SLC25A48: variants seen among roughly 807,000 people sequenced by gnomAD.
SLC25A48 encodes CTC-321K16.1.
In SLC25A48, 29 loss-of-function variants were observed where a neutral mutation model predicts 32.2. The observed-to-expected ratio is 0.90, with a 90% confidence interval of 0.67 to 1.23. SLC25A48 has a LOEUF of 1.23. Ranked by LOEUF, SLC25A48 falls within the 50% of genes most tolerant of loss-of-function variation. SLC25A48 has a pLI of 0.00. For synonymous variants in SLC25A48, 164 were observed against 172.3 expected (o/e 0.95, Z 0.38); for missense variants, 399 against 422.7 (o/e 0.94, Z 0.49).
intron 1 of SLC25A48, among the ~76,000 whole-genome samples, chr5:135,592,167 G>A (rs939728497): frequency 4.6e-5 from 7 of 152,150 alleles, no homozygotes; most frequent in Non-Finnish European, 7.3e-5. Flanking sequence ...AAGGATCTAC[G>A]GTGAGAAGAG....
chr5:135,615,641 G>A lies in SLC25A48; in HGVS notation c.-848-13596G>A, dbSNP rs143818480. ...GTTTTGGAAAATTTGCAGCCCGGCC[G>A]TATGGTAGAGAAGAAAAACCCATTT... On this transcript the variant is annotated intron_variant, in intron 1 of 10. Coordinates refer to the SLC25A48 transcript ENST00000646290. Among the ~76,000 whole-genome samples the A allele has an allele frequency of 3.1e-4, 47 of 152,326 alleles. 1 individual carries two copies. In the Middle Eastern group the frequency reaches 0.01, roughly 33 times the overall value.
At chr5:135,809,245 G>A (rs1757540121) in intron 3 of SLC25A48, among the ~76,000 whole-genome samples, 1 of 152,128 alleles carries the variant, frequency 6.6e-6, no homozygotes, top group Admixed American at 6.5e-5. Flanking sequence ...GCTGCAGGAA[G>A]CTATGATCAT....
chr5:135,623,999 C>T (rs1218656053), intron 1 of SLC25A48, among the ~76,000 whole-genome samples: 1 of 152,216 alleles, frequency 6.6e-6, no homozygotes, highest in Non-Finnish European at 1.5e-5. Flanking sequence ...GCTCCCTGTG[C>T]TGCTTCTCTT....
chr5:135,874,644 C>T (rs897480712), intron 6 of SLC25A48: 1 of 698,656 alleles, frequency 1.4e-6, no homozygotes, highest in Non-Finnish European at 2.6e-6. Flanking sequence ...TGACCCCAGA[C>T]CTCTGGTCGT....
At chr5:135,757,340 T>C (rs952178819) in intron 3 of SLC25A48, among the ~76,000 whole-genome samples, 1 of 149,668 alleles carries the variant, frequency 6.7e-6, no homozygotes, top group Non-Finnish European at 1.5e-5. Flanking sequence ...ATTTATAATG[T>C]CTAGTGTTAA....
chr5:135,684,894 C>T (rs1753981539), intron 3 of SLC25A48, among the ~76,000 whole-genome samples: 1 of 152,118 alleles, frequency 6.6e-6, no homozygotes, highest in African/African-American at 2.4e-5. Context: ...TCCTGTTCTG[C>T]AGTGTAGATT....
intron 3 of SLC25A48, among the ~76,000 whole-genome samples, chr5:135,806,204 T>C (rs73789191): frequency 0.068 from 10,334 of 151,780 alleles, 821 homozygotes; most frequent in African/African-American, 0.2. Flanking sequence ...TCATAATATC[T>C]AGAAAGATAT....
chr5:135,668,726 A>G (rs1375088053), intron 3 of SLC25A48, among the ~76,000 whole-genome samples: 2 of 152,236 alleles, frequency 1.3e-5, no homozygotes, highest in Non-Finnish European at 2.9e-5. Flanking sequence ...CAGGGGATGA[A>G]GAATTAAAAG....
At chr5:135,738,438 TG>T (rs1284723503) in intron 3 of SLC25A48, among the ~76,000 whole-genome samples, 1 of 152,122 alleles carries the variant, frequency 6.6e-6, no homozygotes, top group African/African-American at 2.4e-5. Context: ...TTGCAGCTGA[TG>T]GGAAGAGGTG....
intron 3 of SLC25A48, among the ~76,000 whole-genome samples, chr5:135,796,105 G>C (rs1757167440): frequency 6.6e-6 from 1 of 150,642 alleles, no homozygotes; most frequent in African/African-American, 2.4e-5. Flanking sequence ...GGGGTGTACA[G>C]CCCCCCTGAT....
At chr5:135,717,346 T>C (rs1316274994) in intron 3 of SLC25A48, among the ~76,000 whole-genome samples, 2 of 152,212 alleles carry the variant, frequency 1.3e-5, no homozygotes, top group South Asian at 2.1e-4. Context: ...ATCTGTGCCC[T>C]GCTTGAAGGT....
At position 135,784,203 on chromosome 5, in the gene SLC25A48, G is replaced by GC. The variant is rs1227342297; in HGVS notation, c.-520-28319dup. Among the ~76,000 whole-genome samples, 2 of 114,986 alleles carry GC rather than the reference G, an allele frequency of 1.7e-5. 1 individual carries two copies. The highest frequency in any genetic ancestry group is 4.3e-5 in the Non-Finnish European group (2 of 46,548). 75.4% of individuals were successfully genotyped at this position (114,986 alleles called of 152,430 possible). ...TGCAATAAGCGTACACCCTAACACTGCTTTGTTTTCTTCTATCCAGGGAGA... is the reference window on the plus strand; with the variant it reads ...TGCAATAAGCGTACACCCTAACACTGCCTTTGTTTTCTTCTATCCAGGGAGA... On this transcript the variant is annotated intron_variant, in intron 3 of 10. Transcript: ENST00000646290.
intron 1 of SLC25A48, among the ~76,000 whole-genome samples, chr5:135,586,383 C>T (rs912898364): frequency 2.0e-5 from 3 of 152,232 alleles, no homozygotes; most frequent in Admixed American, 6.5e-5. Flanking sequence ...GCAATATTTA[C>T]GGCATACTTA....
At chr5:135,870,766 G>A (rs1761572016) in intron 4 of SLC25A48, among the ~76,000 whole-genome samples, 1 of 151,906 alleles carries the variant, frequency 6.6e-6, no homozygotes. Flanking sequence ...CACTGTACAT[G>A]TATTACCTTA....
chr5:135,765,892 T>C (rs62365702), intron 3 of SLC25A48, among the ~76,000 whole-genome samples: 45,610 of 151,268 alleles, frequency 0.3, 6,987 homozygotes, highest in East Asian at 0.45. Flanking sequence ...GCATACACCC[T>C]CCTGTGTTAT....
chr5:135,852,674 T>A lies in SLC25A48; in HGVS notation c.274T>A (p.Cys92Ser). ...NTQRFLSQHR[C>S]GEPEASPPRT... ...GCAGCGGTTCCTCAGCCAGCACCGC[T>A]GCGGGGAGCCAGAGGCCAGTCCTCC... The change falls in exon 4 of 8, where the codon TGC becomes AGC. Residue 92 changes from cysteine (C) to serine (S), a missense_variant. Coordinates refer to ENST00000681962, the MANE Select transcript of SLC25A48 (RefSeq NM_001349336.2). 3 of 1,613,888 alleles carry A rather than the reference T, an allele frequency of 1.9e-6. No individual in the cohort carries two copies. Among genetic ancestry groups the A allele is most frequent in the Non-Finnish European group, 2.5e-6 (3 of 1,179,866 alleles).
intron 1 of SLC25A48, among the ~76,000 whole-genome samples, chr5:135,607,800 A>G (rs530078101): frequency 6.6e-6 from 1 of 152,286 alleles, no homozygotes; most frequent in Non-Finnish European, 1.5e-5. Context: ...TTTGGTAGGT[A>G]TGTAAATCAG....
chr5:135,885,110 G>A (rs1190179579), intron 7 of SLC25A48, among the ~76,000 whole-genome samples: 3 of 151,972 alleles, frequency 2.0e-5, no homozygotes, highest in African/African-American at 4.8e-5. Flanking sequence ...GCTATTTTAC[G>A]GTGTAAAAAA....
At chr5:135,597,530 C>T (rs1751682529) in intron 1 of SLC25A48, among the ~76,000 whole-genome samples, 1 of 152,194 alleles carries the variant, frequency 6.6e-6, no homozygotes, top group Non-Finnish European at 1.5e-5. Context: ...GACACTGGAA[C>T]CAGCTGCAAA....
Sources: allele counts gnomAD v4.1 joint callset (sites outside exome capture counted in the v4.1 genomes callset), GRCh38; gene constraint gnomAD v4.1.1; transcripts MANE v1.5; gene names NCBI Gene and HGNC (gene_info 2026-07-23, HGNC 2026-07-21).